The following HS3ST4 variants were observed in gnomAD, a reference collection of about 807,000 sequenced individuals.
HS3ST4 encodes the protein heparan sulfate glucosamine 3-O-sulfotransferase 4.
In HS3ST4, 17 loss-of-function variants were observed where a neutral mutation model predicts 29.2. The ratio of observed to expected loss-of-function variants is 0.58; its 90% CI spans 0.40 to 0.87. The LOEUF is 0.87. HS3ST4 is among the 40% of genes least tolerant of loss of function. The probability of loss-of-function intolerance (pLI) is 0.00; values close to 1 mark genes in which losing one functional copy is unlikely to be tolerated. For synonymous variants in HS3ST4, 314 were observed against 285.7 expected (o/e 1.10, Z -1.00); for missense variants, 627 against 634.5 (o/e 0.99, Z 0.13).
At chr16:26,032,491 A>T in intron 1 of HS3ST4, 2 of 1,214,822 alleles carry the variant, frequency 1.6e-6, no homozygotes, top group Non-Finnish European at 2.4e-6. Context: ...ATAGTATTCC[A>T]AACTGTACAG....
chr16:25,860,204 A>G lies in HS3ST4; in HGVS notation c.734+167053A>G, dbSNP rs1300835306. 2.0e-5 allele frequency among the ~76,000 whole-genome samples: 3 copies of G among 152,250 alleles called. No individual in the cohort carries two copies. The East Asian group carries it at 5.8e-4, about 29-fold the overall frequency. On this transcript the variant is annotated intron_variant, in intron 1 of 1. Coordinates refer to ENST00000331351, the MANE Select transcript of HS3ST4 (RefSeq NM_006040.3). ...ATGACCAAAATCCAAAACACTGACAACACCAAATGCTGGTGAGGATGTGGA... is the reference window on the plus strand; with the variant it reads ...ATGACCAAAATCCAAAACACTGACAGCACCAAATGCTGGTGAGGATGTGGA...
intron 1 of HS3ST4, among the ~76,000 whole-genome samples, chr16:25,863,183 A>C (rs1967656255): frequency 6.6e-6 from 1 of 152,098 alleles, no homozygotes; most frequent in Non-Finnish European, 1.5e-5. Context: ...TCCAGGGTTC[A>C]AGCAATTTTC....
intron 1 of HS3ST4, among the ~76,000 whole-genome samples, chr16:25,770,742 C>T (rs1323347931): frequency 3.9e-5 from 6 of 152,300 alleles, no homozygotes; most frequent in African/African-American, 1.2e-4. Flanking sequence ...TGATACATTT[C>T]TCTCAACCAG....
chr16:26,088,182 T>C (rs1898812598), intron 1 of HS3ST4, among the ~76,000 whole-genome samples: 1 of 152,176 alleles, frequency 6.6e-6, no homozygotes, highest in Non-Finnish European at 1.5e-5. Context: ...TTGTGTATTG[T>C]ATTCTCGTCC....
At chr16:25,950,732 C>A (rs1214536283) in intron 1 of HS3ST4, among the ~76,000 whole-genome samples, 1 of 151,948 alleles carries the variant, frequency 6.6e-6, no homozygotes, top group Non-Finnish European at 1.5e-5. Flanking sequence ...CTTTGGAGTC[C>A]CACAGACTTG....
At chr16:26,023,962 C>T (rs1357163351) in intron 1 of HS3ST4, among the ~76,000 whole-genome samples, 2 of 152,128 alleles carry the variant, frequency 1.3e-5, no homozygotes, top group Admixed American at 6.5e-5. Flanking sequence ...CGGTGGCTCA[C>T]GCCTGTAATC....
At chr16:26,061,855 A>G (rs1339149873) in intron 1 of HS3ST4, among the ~76,000 whole-genome samples, 6 of 152,108 alleles carry the variant, frequency 3.9e-5, no homozygotes, top group Admixed American at 6.5e-5. Flanking sequence ...AAATTCTCCC[A>G]TTCAAGTTCC....
intron 1 of HS3ST4, among the ~76,000 whole-genome samples, chr16:25,856,298 C>T (rs1967573382): frequency 6.6e-6 from 1 of 152,044 alleles, no homozygotes; most frequent in South Asian, 2.1e-4. Flanking sequence ...ACTGGGGTCA[C>T]CAGAAAGATT....
intron 1 of HS3ST4, among the ~76,000 whole-genome samples, chr16:25,738,909 G>A (rs955283210): frequency 2.6e-5 from 4 of 152,054 alleles, no homozygotes; most frequent in African/African-American, 4.8e-5. Flanking sequence ...AGATTGACTT[G>A]GCTATTCAGG....
intron 1 of HS3ST4, among the ~76,000 whole-genome samples, chr16:25,954,194 C>A (rs1204629554): frequency 6.6e-6 from 1 of 152,184 alleles, no homozygotes; most frequent in African/African-American, 2.4e-5. Context: ...TATCTTTAGA[C>A]TTTGTGTCAA....
chr16:25,820,449 G>A (rs934217568), intron 1 of HS3ST4, among the ~76,000 whole-genome samples: 13 of 151,970 alleles, frequency 8.6e-5, no homozygotes, highest in African/African-American at 1.5e-4. Context: ...GCTATTGTGC[G>A]GTGGTGCAGT....
intron 1 of HS3ST4, among the ~76,000 whole-genome samples, chr16:25,928,633 T>G (rs1291560389): frequency 2.6e-5 from 4 of 152,160 alleles, no homozygotes; most frequent in Non-Finnish European, 5.9e-5. Context: ...TGCCCCACTT[T>G]CTTAGTCATC....
At chr16:25,759,813 A>C (rs1966778551) in intron 1 of HS3ST4, among the ~76,000 whole-genome samples, 1 of 152,106 alleles carries the variant, frequency 6.6e-6, no homozygotes, top group African/African-American at 2.4e-5. Flanking sequence ...CTGTAGTCCC[A>C]GCTACTCGGG....
At chr16:25,972,678 A>T (rs1404430603) in intron 1 of HS3ST4, among the ~76,000 whole-genome samples, 1 of 152,194 alleles carries the variant, frequency 6.6e-6, no homozygotes, top group African/African-American at 2.4e-5. Flanking sequence ...TGGGGATGAC[A>T]TCCCATCATT....
intron 1 of HS3ST4, among the ~76,000 whole-genome samples, chr16:25,773,997 T>A (rs2141612120): frequency 6.6e-6 from 1 of 152,212 alleles, no homozygotes; most frequent in East Asian, 1.9e-4. Flanking sequence ...ATCATTGTCA[T>A]TCCAAATGTC....
intron 1 of HS3ST4, among the ~76,000 whole-genome samples, chr16:25,801,549 G>A (rs558620353): frequency 6.6e-5 from 10 of 152,300 alleles, no homozygotes; most frequent in Non-Finnish European, 1.5e-4. Flanking sequence ...GGTGTTAAGA[G>A]TTCCTGTTTT....
intron 1 of HS3ST4, among the ~76,000 whole-genome samples, chr16:26,127,352 C>G (rs1899358490): frequency 6.6e-6 from 1 of 152,214 alleles, no homozygotes; most frequent in Non-Finnish European, 1.5e-5. Context: ...ATGGCTCACG[C>G]CAGTACTCTC....
chr16:25,753,940 G>A (rs1362141390), intron 1 of HS3ST4, among the ~76,000 whole-genome samples: 1 of 152,170 alleles, frequency 6.6e-6, no homozygotes, highest in Non-Finnish European at 1.5e-5. Flanking sequence ...GCTAGTGGAG[G>A]CAAGTGGGAG....
intron 1 of HS3ST4, among the ~76,000 whole-genome samples, chr16:25,939,304 T>TTTTTTATTATTA (rs1968550168): frequency 8.7e-6 from 1 of 114,580 alleles, no homozygotes; most frequent in African/African-American, 3.3e-5. Context: ...GCTGACAGCA[T>TTTTTTATTATTA]TTATTATTAT....
Sources: gnomAD v4.1 joint callset for allele counts (sites outside exome capture counted in the v4.1 genomes callset) on GRCh38, gnomAD v4.1.1 for gene constraint, MANE v1.5 for transcripts, NCBI Gene and HGNC (gene_info 2026-07-23, HGNC 2026-07-21) for gene names.